The following ZNF608 variants were observed in gnomAD, a reference collection of about 807,000 sequenced individuals.
ZNF608 encodes renal carcinoma antigen NY-REN-36.
ZNF608 carries 12 observed loss-of-function variants against 109.0 expected under a neutral mutation model. The ratio of observed to expected loss-of-function variants is 0.11; its 90% CI spans 0.07 to 0.18. The LOEUF (loss-of-function observed/expected upper bound fraction) is 0.18, where lower values mean the gene tolerates loss of function less well. Ranked by LOEUF, ZNF608 falls within the 10% of genes least tolerant of loss-of-function variation. ZNF608 has a pLI of 1.00. For synonymous variants in ZNF608, 732 were observed against 717.4 expected (o/e 1.02, Z -0.33); for missense variants, 1,707 against 1,879.3 (o/e 0.91, Z 1.70).
At chr5:124,679,411 C>T (rs968564650) in intron 3 of ZNF608, among the ~76,000 whole-genome samples, 4 of 150,338 alleles carry the variant, frequency 2.7e-5, no homozygotes, top group Non-Finnish European at 4.4e-5. Flanking sequence ...TTTCTTCCTT[C>T]CTTCTTTTCC....
At chr5:124,704,229 C>A (rs1056445928) in intron 2 of ZNF608, among the ~76,000 whole-genome samples, 12 of 152,236 alleles carry the variant, frequency 7.9e-5, no homozygotes, top group African/African-American at 2.9e-4. Flanking sequence ...AAGGCTTAAA[C>A]CTGACAGTTA....
At chr5:124,723,867 TTAAAA>T (rs1754034278) in intron 2 of ZNF608, among the ~76,000 whole-genome samples, 1 of 152,010 alleles carries the variant, frequency 6.6e-6, no homozygotes, top group African/African-American at 2.4e-5. Context: ...CTGAAATACT[TTAAAA>T]TAAGAAATGG....
chr5:124,666,548 C>T (rs1264652019), intron 3 of ZNF608: 7 of 152,148 alleles, frequency 4.6e-5, no homozygotes, highest in African/African-American at 7.2e-5. Context: ...ATGTACCTGG[C>T]TCCTAATACA....
chr5:124,733,393 C>G (rs959154972), intron 2 of ZNF608, among the ~76,000 whole-genome samples: 8 of 152,222 alleles, frequency 5.3e-5, no homozygotes, highest in South Asian at 2.1e-4. Context: ...GTGGCTTCTA[C>G]AAGCACAATG....
In ZNF608 at chr5:124,744,783, G is replaced by T; in HGVS notation, c.207C>A (p.Ala69=). The T allele has an allele frequency of 6.2e-7, 1 of 1,614,208 alleles. No individual in the cohort carries two copies. The highest frequency in any genetic ancestry group is 8.5e-7 in the Non-Finnish European group (1 of 1,180,032). The part of the protein sequence containing the change: ...SSNSKDCGGP[A]SSGAGATAAL... ...CTGCGGTAGCACCAGCCCCACTGGAGGCCGGACCTCCACAATCCTTGGAGT... is the reference window on the plus strand; with the variant it reads ...CTGCGGTAGCACCAGCCCCACTGGATGCCGGACCTCCACAATCCTTGGAGT... The change falls in exon 2 of 10, where the codon GCC becomes GCA. Residue 69 remains alanine (A), a synonymous_variant. Coordinates refer to ENST00000513986, the MANE Select transcript of ZNF608 (RefSeq NM_020747.3). The surrounding 1 kb of genome is among the most constrained non-coding windows in gnomAD (Gnocchi z 4.5).
chr5:124,652,124 A>ATTAT (rs1750816046), intron 3 of ZNF608, among the ~76,000 whole-genome samples: 1 of 152,216 alleles, frequency 6.6e-6, no homozygotes, highest in Admixed American at 6.5e-5. Flanking sequence ...GCAATTAATC[A>ATTAT]CTGGTTATCT....
chr5:124,643,835 G>C (rs1269976149), intron 6 of ZNF608, 152 bp from the exon 7 acceptor site: 1 of 788,632 alleles, frequency 1.3e-6, no homozygotes, highest in Non-Finnish European at 2.0e-6. Flanking sequence ...ACTGTGTCTA[G>C]CTTCTCCAAT....
intron 2 of ZNF608, among the ~76,000 whole-genome samples, chr5:124,743,333 G>T (rs1749495661): frequency 6.6e-6 from 1 of 152,146 alleles, no homozygotes; most frequent in Non-Finnish European, 1.5e-5. Flanking sequence ...CAGCCGTCCA[G>T]CTCCCCAGTC....
chr5:124,654,024 T>A (rs972738194), intron 3 of ZNF608, among the ~76,000 whole-genome samples: 12 of 152,162 alleles, frequency 7.9e-5, no homozygotes, highest in African/African-American at 2.7e-4. Flanking sequence ...TGTTAAAAAG[T>A]TGTTCCTTGT....
chr5:124,638,035 C>T lies in ZNF608; in HGVS notation c.4533-129G>A, dbSNP rs542888576. The T allele has an allele frequency of 1.2e-4, 108 of 911,170 alleles. 1 individual carries two copies. In the South Asian group the frequency reaches 1.5e-3, roughly 13 times the overall value. 56.4% of individuals were successfully genotyped at this position (911,170 alleles called of 1,614,324 possible). The stretch of plus-strand genomic sequence containing the variant: ...GCTCAATCTCGGCTCACCGCAACCT[C>T]TGCCTCCTGGGTTCAAGTGATTCTC... On this transcript the variant is annotated intron_variant, in intron 9 of 9. Coordinates refer to ENST00000513986, the MANE Select transcript of ZNF608 (RefSeq NM_020747.3).
intron 3 of ZNF608, among the ~76,000 whole-genome samples, chr5:124,665,461 A>G (rs1751439701): frequency 6.6e-6 from 1 of 152,260 alleles, no homozygotes; most frequent in Non-Finnish European, 1.5e-5. Context: ...AGTCAAATAT[A>G]AAAGTAAAAA....
chr5:124,713,407 T>C (rs1274873572), intron 2 of ZNF608, among the ~76,000 whole-genome samples: 1 of 152,234 alleles, frequency 6.6e-6, no homozygotes, highest in Non-Finnish European at 1.5e-5. Flanking sequence ...TAAGAATGTT[T>C]TCTACAGATG....
intron 3 of ZNF608, among the ~76,000 whole-genome samples, chr5:124,670,418 T>C (rs1400702307): frequency 1.3e-5 from 2 of 152,048 alleles, no homozygotes; most frequent in Non-Finnish European, 2.9e-5. Flanking sequence ...TGATATGCTA[T>C]GTAAATGTGT....
chr5:124,684,455 G>C (rs536425618), intron 3 of ZNF608, among the ~76,000 whole-genome samples: 1 of 152,130 alleles, frequency 6.6e-6, no homozygotes, highest in Non-Finnish European at 1.5e-5. Flanking sequence ...TTCTTCCAGG[G>C]TTCTTCTTTT....
chr5:124,728,294 T>C (rs1230871209), intron 2 of ZNF608, among the ~76,000 whole-genome samples: 1 of 152,190 alleles, frequency 6.6e-6, no homozygotes, highest in Non-Finnish European at 1.5e-5. Flanking sequence ...GGCAAAGCTC[T>C]TGATAAATGG....
chr5:124,696,585 T>C (rs939557717), intron 3 of ZNF608, among the ~76,000 whole-genome samples: 2 of 152,166 alleles, frequency 1.3e-5, no homozygotes, highest in African/African-American at 4.8e-5. Flanking sequence ...CCCATATCAA[T>C]AAATTAGGAA....
rs139112546 is a variant in ZNF608, at chr5:124,670,106, T to A, written c.1163-20409A>T. On this transcript the variant is annotated intron_variant, in intron 3 of 9. Transcript: ENST00000513986. ...TATTAATACAACAGCTTTACTTGGT[T>A]TAAAGAAAGAATTATTTTACCACCC... Among the ~76,000 whole-genome samples the A allele has an allele frequency of 3.0e-3, 460 of 152,292 alleles. 4 individuals carry two copies. The highest frequency in any genetic ancestry group is 0.011 in the African/African-American group (447 of 41,548).
intron 2 of ZNF608, among the ~76,000 whole-genome samples, chr5:124,712,069 C>A (rs990440945): frequency 6.6e-6 from 1 of 152,098 alleles, no homozygotes; most frequent in Non-Finnish European, 1.5e-5. Flanking sequence ...ATCACTTGAA[C>A]CCAGGAGGCA....
intron 2 of ZNF608, among the ~76,000 whole-genome samples, chr5:124,726,984 GCT>G (rs1748637790): frequency 6.6e-6 from 1 of 152,222 alleles, no homozygotes; most frequent in Admixed American, 6.5e-5. Context: ...TGCTGTATCT[GCT>G]CTTTCTCTCC....
Sources: allele counts gnomAD v4.1 joint callset (sites outside exome capture counted in the v4.1 genomes callset), GRCh38; gene constraint gnomAD v4.1.1; non-coding constraint Gnocchi (gnomAD v3.1); transcripts MANE v1.5; gene names NCBI Gene and HGNC (gene_info 2026-07-23, HGNC 2026-07-21).